FGD4: variants seen among roughly 807,000 people sequenced by gnomAD.
FGD4 encodes the protein FYVE, RhoGEF and PH domain containing 4.
FGD4 carries 42 observed loss-of-function variants against 102.0 expected under a neutral mutation model. The observed-to-expected ratio is 0.41, with a 90% CI of 0.32 to 0.53. The LOEUF is 0.53. Among genes scored for constraint, FGD4 ranks in the 20% least tolerant of loss-of-function variants. The probability of loss-of-function intolerance (pLI) is 0.21; values close to 1 mark genes in which losing one functional copy is unlikely to be tolerated. For missense variants in FGD4, 902 were observed against 1,078.2 expected, an observed-to-expected ratio of 0.84 and a Z score of 2.29; for synonymous variants, 380 against 375.7, an observed-to-expected ratio of 1.01 and a Z score of -0.13.
chr12:32,538,407 A>C (rs1416315809), intron 1 of FGD4, among the ~76,000 whole-genome samples: 2 of 152,174 alleles, frequency 1.3e-5, no homozygotes, highest in Non-Finnish European at 2.9e-5. Flanking sequence ...ATAAATTATA[A>C]ATATTTGTAG....
chr12:32,491,015 G>A (rs943950634), intron 1 of FGD4, among the ~76,000 whole-genome samples: 1 of 151,816 alleles, frequency 6.6e-6, no homozygotes, highest in Non-Finnish European at 1.5e-5. Context: ...CAGTTCACCA[G>A]TGTGGAGACC....
chr12:32,399,744 G>T lies in FGD4; in HGVS notation c.-50G>T, dbSNP rs1238481501. On this transcript the variant is annotated 5_prime_UTR_variant, in exon 1 of 17. Coordinates refer to ENST00000534526, the MANE Select transcript of FGD4 (RefSeq NM_001370298.3). ...GCGACGCCCCCCAGGGGCCGCTCGC[G>T]GCTGGACGGGAGCGGGAGGAGTCGG... The T allele has an allele frequency of 6.6e-7, 1 of 1,520,322 alleles. No homozygotes were observed. Among genetic ancestry groups the T allele is most frequent in the Middle Eastern group, 2.3e-4 (1 of 4,404 alleles). The allele number at this position is 1,520,322 out of a possible 1,614,324, so 94.2% of individuals were successfully genotyped here.
chr12:32,553,466 G>T (rs1221202387), intron 1 of FGD4, among the ~76,000 whole-genome samples: 3 of 152,122 alleles, frequency 2.0e-5, no homozygotes, highest in Admixed American at 1.3e-4. Context: ...GAAAATTATT[G>T]TTTTAAAAAT....
chr12:32,541,727 C>T (rs182912214), intron 1 of FGD4, among the ~76,000 whole-genome samples: 2 of 152,288 alleles, frequency 1.3e-5, no homozygotes, highest in East Asian at 3.9e-4. Flanking sequence ...TAGAGGGTAT[C>T]ACCAAGCCTT....
At chr12:32,542,329 C>G (rs935262863) in intron 1 of FGD4, among the ~76,000 whole-genome samples, 11 of 152,096 alleles carry the variant, frequency 7.2e-5, no homozygotes, top group African/African-American at 2.7e-4. Context: ...AATAAACCAG[C>G]AAAGTAGTAC....
chr12:32,594,869 A>T (rs915984951), intron 4 of FGD4, among the ~76,000 whole-genome samples: 1 of 152,106 alleles, frequency 6.6e-6, no homozygotes, highest in African/African-American at 2.4e-5. Flanking sequence ...GTCTCTACTA[A>T]AACTACAAAA....
chr12:32,522,034 A>C (rs1187548800), intron 1 of FGD4, among the ~76,000 whole-genome samples: 1 of 152,222 alleles, frequency 6.6e-6, no homozygotes, highest in East Asian at 1.9e-4. Context: ...TACCCATTTA[A>C]ACGTGCATAT....
At chr12:32,503,140 C>G (rs898009538) in intron 1 of FGD4, among the ~76,000 whole-genome samples, 10 of 152,108 alleles carry the variant, frequency 6.6e-5, no homozygotes, top group African/African-American at 2.4e-4. Flanking sequence ...CAAAACTGTG[C>G]CCTAAAATAT....
At chr12:32,624,673 C>T (rs1237279725) in intron 12 of FGD4, 1 of 673,452 alleles carries the variant, frequency 1.5e-6, no homozygotes, top group African/African-American at 1.8e-5. Context: ...GAGGTTTTGC[C>T]ATGCTGCCCA....
chr12:32,531,455 T>C (rs902002442), intron 1 of FGD4, among the ~76,000 whole-genome samples: 1 of 152,216 alleles, frequency 6.6e-6, no homozygotes, highest in Non-Finnish European at 1.5e-5. Context: ...TGCCGTTTTA[T>C]GAAAAGTCAG....
chr12:32,589,435 A>G (rs6488068), intron 4 of FGD4, among the ~76,000 whole-genome samples: 64,829 of 152,064 alleles, frequency 0.43, 15,475 homozygotes, highest in African/African-American at 0.65. Flanking sequence ...TCATTAGTGT[A>G]TACAAGGTTC....
intron 1 of FGD4, among the ~76,000 whole-genome samples, chr12:32,409,967 A>T (rs1941126150): frequency 1.3e-5 from 2 of 151,220 alleles, no homozygotes; most frequent in South Asian, 4.2e-4. Context: ...GGAGTTCAAA[A>T]TCAGCCTGGG....
intron 2 of FGD4, among the ~76,000 whole-genome samples, chr12:32,567,713 G>T (rs541439142): frequency 4.7e-5 from 7 of 147,850 alleles, no homozygotes; most frequent in African/African-American, 1.8e-4. Flanking sequence ...TGAGAGAGAG[G>T]GTTTTATTCT....
At chr12:32,421,085 G>A (rs1317502309) in intron 1 of FGD4, among the ~76,000 whole-genome samples, 1 of 152,072 alleles carries the variant, frequency 6.6e-6, no homozygotes, top group Non-Finnish European at 1.5e-5. Flanking sequence ...TACCAACACT[G>A]TCAGAAAGTG....
At chr12:32,593,524 C>G (rs1947647288) in intron 4 of FGD4, among the ~76,000 whole-genome samples, 1 of 152,166 alleles carries the variant, frequency 6.6e-6, no homozygotes, top group Admixed American at 6.5e-5. Context: ...TGGCATCCCC[C>G]TTGGATTTTG....
At chr12:32,410,931 CTTTTTTTTTT>C (rs747780109) in intron 1 of FGD4, among the ~76,000 whole-genome samples, 3 of 126,910 alleles carry the variant, frequency 2.4e-5, no homozygotes, top group African/African-American at 9.1e-5. Context: ...TTTTTTTTTT[CTTTTTTTTTT>C]TTTTTTTGAG....
intron 1 of FGD4, among the ~76,000 whole-genome samples, chr12:32,402,580 A>G (rs909733846): frequency 6.7e-6 from 1 of 149,490 alleles, no homozygotes; most frequent in Non-Finnish European, 1.5e-5. Context: ...TCTTAAGTAG[A>G]TGGGACTACA....
At position 32,645,250 on chromosome 12, in the gene FGD4, T is replaced by G. The variant is rs1951350165; in HGVS notation, c.*4717T>G. 2 of 152,064 alleles carry G rather than the reference T, an allele frequency of 1.3e-5. No individual in the cohort carries two copies. The highest frequency in any genetic ancestry group is 2.9e-5 in the Non-Finnish European group (2 of 68,000). 9.4% of individuals were successfully genotyped at this position (152,064 alleles called of 1,614,324 possible). ...ATTGGAATGTATCACTTGTGGGGGG[T>G]TCTCTTCATTAGCAAAACAGTCATG... is the stretch of plus-strand genomic sequence containing the variant. On this transcript the variant is annotated 3_prime_UTR_variant, in exon 17 of 17. Coordinates refer to ENST00000534526, the MANE Select transcript of FGD4 (RefSeq NM_001370298.3).
At chr12:32,624,725 C>T (rs1021632952) in intron 12 of FGD4, 17 of 648,304 alleles carry the variant, frequency 2.6e-5, no homozygotes, top group Non-Finnish European at 3.9e-5. Context: ...CTGCCTGCCT[C>T]GGTCTCCCAA....
Sources: gnomAD v4.1 joint callset for allele counts (sites outside exome capture counted in the v4.1 genomes callset) on GRCh38, gnomAD v4.1.1 for gene constraint, MANE v1.5 for transcripts, NCBI Gene and HGNC (gene_info 2026-07-23, HGNC 2026-07-21) for gene names.